Variants in PGAP1 observed in about 807,000 individuals in gnomAD.
PGAP1 encodes the protein GPI inositol-deacylase.
Under a neutral mutation model 127.0 loss-of-function variants are expected in PGAP1, and 76 were observed. That is an observed-to-expected ratio of 0.60 (90% CI 0.50 to 0.72). The LOEUF (loss-of-function observed/expected upper bound fraction) is 0.72. Ranked by LOEUF, PGAP1 falls within the 30% of genes least tolerant of loss-of-function variation. PGAP1 has a pLI of 0.00. For missense variants in PGAP1, 982 were observed against 1,071.3 expected, an observed-to-expected ratio of 0.92 and a Z score of 1.16; for synonymous variants, 362 against 366.5, an observed-to-expected ratio of 0.99 and a Z score of 0.14.
Position 196,926,689 on chromosome 2 carries a change from ACTG to A in PGAP1, c.-76_-74del, listed in dbSNP as rs1483005702. ...CTCCGCCGCGGGGCCCCAAGCCCGG[ACTG>A]AGCGTGCTAGACACTGTCCGACCGC... is the stretch of plus-strand genomic sequence containing the variant. On this transcript the variant is annotated 5_prime_UTR_variant, in exon 1 of 27. Transcript: ENST00000354764. The A allele has an allele frequency of 2.5e-6, 4 of 1,602,306 alleles. No homozygotes were observed. The African/African-American group carries it at 5.4e-5, about 21-fold the overall frequency.
Position 196,922,581 on chromosome 2 carries a change from C to G in PGAP1, c.148-2431G>C, listed in dbSNP as rs541447006. 55 of 493,918 alleles carry G rather than the reference C, an allele frequency of 1.1e-4. 1 individual carries two copies. In the African/African-American group the frequency reaches 1.6e-3, roughly 15 times the overall value. The allele number at this position is 493,918 out of a possible 1,614,324, so 30.6% of individuals were successfully genotyped here. A position where few individuals can be genotyped will look rare whatever the true frequency, so the allele number is the denominator to read the frequency against. On this transcript the variant is annotated intron_variant, in intron 1 of 26. Coordinates refer to ENST00000354764, the MANE Select transcript of PGAP1 (RefSeq NM_024989.4). ...CTGCTAACACACACACACACAGACA[C>G]ACACACACACACACACACACACACA...
At position 196,836,606 on chromosome 2, in the gene PGAP1, C is replaced by T. The variant is rs1457615782; in HGVS notation, c.*4628G>A. 2 of 151,996 alleles carry T rather than the reference C, an allele frequency of 1.3e-5. No individual in the cohort carries two copies. The allele number at this position is 151,996 out of a possible 1,614,324, so 9.4% of individuals were successfully genotyped here. On this transcript the variant is annotated 3_prime_UTR_variant, in exon 27 of 27. Coordinates refer to ENST00000354764, the MANE Select transcript of PGAP1 (RefSeq NM_024989.4). ...AGTAGCTTCACAGCTTTCCTATTTCCTCAGGCTATTAAACATATTGTGAAA... is the reference window on the plus strand; with the variant it reads ...AGTAGCTTCACAGCTTTCCTATTTCTTCAGGCTATTAAACATATTGTGAAA...
chr2:196,843,523 C>T (rs1302317596), intron 25 of PGAP1, among the ~76,000 whole-genome samples: 1 of 152,084 alleles, frequency 6.6e-6, no homozygotes, highest in Non-Finnish European at 1.5e-5. Context: ...TTTTATTTAG[C>T]AATTGACCAA....
At chr2:196,921,202 A>C (rs1018329376) in intron 1 of PGAP1, among the ~76,000 whole-genome samples, 5 of 143,526 alleles carry the variant, frequency 3.5e-5, no homozygotes, top group Non-Finnish European at 6.1e-5. Flanking sequence ...AAAAAAAAAA[A>C]CACACACACA....
At chr2:196,872,297 T>C in intron 18 of PGAP1, 144 bp downstream of exon 18, 2 of 564,192 alleles carry the variant, frequency 3.5e-6, no homozygotes, top group Non-Finnish European at 3.1e-6. Flanking sequence ...ATAGGAAAAA[T>C]GAAGAATATT....
In PGAP1 at chr2:196,842,844, A is replaced by G. The variant is rs1363389028; in HGVS notation, c.2526-19T>C. 5 of 1,210,438 alleles carry G rather than the reference A, an allele frequency of 4.1e-6. No homozygotes were observed. In the Admixed American group the frequency reaches 9.1e-5, roughly 22 times the overall value. The allele number at this position is 1,210,438 out of a possible 1,614,324, so 75.0% of individuals were successfully genotyped here. On this transcript the variant is annotated intron_variant, in intron 25 of 26. Coordinates refer to ENST00000354764, the MANE Select transcript of PGAP1 (RefSeq NM_024989.4). Reference sequence around the variant, plus strand: ...ATAATACCTATAATATTAAAAAAAGAAACCCACAAATCAACAATGACCTGA... The same window carrying G: ...ATAATACCTATAATATTAAAAAAAGGAACCCACAAATCAACAATGACCTGA...
chr2:196,902,681 T>C lies in PGAP1; in HGVS notation c.711A>G (p.Thr237=), dbSNP rs750669535. ...ILNARHINLT[T]LSVAGGFRDY... ...CCCGGAATCCTCCAGCTACAGAAAG[T>C]GTGGTTAAATTTATGTGTCGAGCAT... The change falls in exon 5 of 27, where the codon ACA becomes ACG. Residue 237 remains threonine, a synonymous_variant. Transcript: ENST00000354764. 2 of 1,612,838 alleles carry C rather than the reference T, an allele frequency of 1.2e-6. No homozygotes were observed. The highest frequency in any genetic ancestry group is 2.2e-5 in the South Asian group (2 of 91,030).
At chr2:196,853,024 T>C (rs1237446926) in intron 20 of PGAP1, among the ~76,000 whole-genome samples, 1 of 152,222 alleles carries the variant, frequency 6.6e-6, no homozygotes, top group African/African-American at 2.4e-5. Context: ...AACTAAAAAT[T>C]TGGTCCCCTA....
chr2:196,850,565 C>T lies in PGAP1; in HGVS notation c.1862-2528G>A, dbSNP rs79330753. ...CTCTTGCAAATTTGGGAGAGAGGGA[C>T]GATAAATTTAAGAAATCATCTGTCT... is the stretch of plus-strand genomic sequence containing the variant. On this transcript the variant is annotated intron_variant, in intron 20 of 26. Transcript: ENST00000354764. Among the ~76,000 whole-genome samples, 997 of 151,836 alleles carry T rather than the reference C, an allele frequency of 6.6e-3. 6 individuals are homozygous for T. Among genetic ancestry groups the T allele is most frequent in the African/African-American group, 0.023 (937 of 41,364 alleles).
Position 196,880,397 on chromosome 2 carries a change from T to C in PGAP1, c.1273-244A>G, listed in dbSNP as rs16859091. Among the ~76,000 whole-genome samples, 17,049 of 151,970 alleles carry C rather than the reference T, an allele frequency of 0.11. 1,241 individuals are homozygous for C. The highest frequency in any genetic ancestry group is 0.21 in the African/African-American group (8,609 of 41,452). On this transcript the variant is annotated intron_variant, in intron 12 of 26. Coordinates refer to ENST00000354764, the MANE Select transcript of PGAP1 (RefSeq NM_024989.4). ...CAAAAATATTCTTTGGATCCCTTCATATAAAACAAATGACATTTAACATTA... is the reference window on the plus strand; with the variant it reads ...CAAAAATATTCTTTGGATCCCTTCACATAAAACAAATGACATTTAACATTA...
rs1174249192 is a variant in PGAP1 at position 196,833,939 on chromosome 2, G to C, written c.*7295C>G. The C allele has an allele frequency of 6.6e-6, 1 of 151,818 alleles. No homozygotes were observed. Among genetic ancestry groups the C allele is most frequent in the East Asian group, 1.9e-4 (1 of 5,184 alleles). 9.4% of individuals were successfully genotyped at this position (151,818 alleles called of 1,614,324 possible). A position where few individuals can be genotyped will look rare whatever the true frequency, so the allele number is the denominator to read the frequency against. On this transcript the variant is annotated 3_prime_UTR_variant, in exon 27 of 27. Transcript: ENST00000354764. ...CTTAAAAATATATAGGAAGAAAAAA[G>C]AGAAGGAAAAATGAGAGGAAATAAT...
intron 2 of PGAP1, 42 bp downstream of exon 2, chr2:196,919,955 T>C: frequency 6.4e-7 from 1 of 1,568,404 alleles, no homozygotes; most frequent in Non-Finnish European, 8.6e-7. Context: ...ATTCTTGAGT[T>C]GAATTTTATA....
rs1701473240 is a variant in PGAP1, at chr2:196,873,667, G to A, written c.1500+18C>T. The A allele has an allele frequency of 1.9e-6, 3 of 1,600,132 alleles. No homozygotes were observed. The highest frequency in any genetic ancestry group is 2.6e-6 in the Non-Finnish European group (3 of 1,168,070). On this transcript the variant is annotated intron_variant, in intron 15 of 26. Coordinates refer to ENST00000354764, the MANE Select transcript of PGAP1 (RefSeq NM_024989.4). ...AAAGTAAAATCAAATCCTTTTTCTT[G>A]TAGTCAGGATTAATTACCTGTCCAA...
intron 17 of PGAP1, 74 bp from the exon 18 acceptor site, chr2:196,872,623 G>T: frequency 1.9e-6 from 2 of 1,031,652 alleles, no homozygotes; most frequent in Non-Finnish European, 1.5e-6. Context: ...TTAATCCTCA[G>T]CACAATACAA....
intron 3 of PGAP1, among the ~76,000 whole-genome samples, chr2:196,913,647 T>C (rs981404972): frequency 1.3e-5 from 2 of 152,234 alleles, no homozygotes; most frequent in Non-Finnish European, 2.9e-5. Flanking sequence ...TCAGTCTCAT[T>C]ACCAAACTTT....
chr2:196,884,544 T>A (rs1252305968), intron 12 of PGAP1, among the ~76,000 whole-genome samples: 2 of 152,206 alleles, frequency 1.3e-5, no homozygotes, highest in African/African-American at 2.4e-5. Flanking sequence ...TCTGTTAGCA[T>A]AAGTTTCTCA....
intron 19 of PGAP1, among the ~76,000 whole-genome samples, chr2:196,870,132 AAC>A (rs1338553939): frequency 6.6e-6 from 1 of 152,210 alleles, no homozygotes; most frequent in Non-Finnish European, 1.5e-5. Context: ...TAATGAATTC[AAC>A]ACATTTATCT....
intron 5 of PGAP1, among the ~76,000 whole-genome samples, chr2:196,900,081 T>C (rs1202073919): frequency 6.6e-6 from 1 of 152,160 alleles, no homozygotes; most frequent in African/African-American, 2.4e-5. Context: ...TTTTTTCTAA[T>C]GGTATGTGAG....
chr2:196,890,586 G>C (rs1465316706), intron 10 of PGAP1, among the ~76,000 whole-genome samples: 2 of 152,074 alleles, frequency 1.3e-5, no homozygotes, highest in Non-Finnish European at 2.9e-5. Context: ...AGAGTAAAAT[G>C]AAGGCAGAAA....
Sources: allele counts gnomAD v4.1 joint callset (sites outside exome capture counted in the v4.1 genomes callset), GRCh38; gene constraint gnomAD v4.1.1; transcripts MANE v1.5; gene names NCBI Gene and HGNC (gene_info 2026-07-23, HGNC 2026-07-21).